Variants in CHCHD6 observed in about 807,000 individuals in gnomAD.
CHCHD6 encodes the protein MICOS complex subunit MIC25.
Under a neutral mutation model 32.3 loss-of-function variants are expected in CHCHD6, and 28 were observed. That is an observed-to-expected ratio of 0.87 (90% confidence interval 0.64 to 1.19). CHCHD6 has a LOEUF of 1.19. Ranked by LOEUF, CHCHD6 falls within the 50% of genes most tolerant of loss-of-function variation. The pLI is 0.00. For synonymous variants in CHCHD6, 122 were observed against 117.5 expected (o/e 1.04, Z -0.25); for missense variants, 333 against 307.0 (o/e 1.08, Z -0.63).
At chr3:126,733,297 C>A in intron 4 of CHCHD6, 75 bp downstream of exon 4, 4 of 1,417,950 alleles carry the variant, frequency 2.8e-6, no homozygotes, top group Non-Finnish European at 3.9e-6. Context: ...GGCCCTGGCA[C>A]CTGGTTAGTC....
At chr3:126,865,811 C>T (rs1313610086) in intron 5 of CHCHD6, 1 of 884,076 alleles carries the variant, frequency 1.1e-6, no homozygotes, top group South Asian at 5.2e-5. Flanking sequence ...TCATATATCT[C>T]ACACTAATCT....
At chr3:126,830,407 T>C (rs1026995836) in intron 4 of CHCHD6, among the ~76,000 whole-genome samples, 4 of 152,200 alleles carry the variant, frequency 2.6e-5, no homozygotes, top group African/African-American at 9.6e-5. Context: ...CCCTGTGGCT[T>C]CAGCTGCCAT....
At chr3:126,708,385 G>A (rs1334942302) in intron 1 of CHCHD6, among the ~76,000 whole-genome samples, 5 of 152,216 alleles carry the variant, frequency 3.3e-5, no homozygotes, top group African/African-American at 1.2e-4. Context: ...GGATGTGGCA[G>A]GTGGTGAGGC....
At chr3:126,865,177 C>A (rs866713885) in intron 5 of CHCHD6, among the ~76,000 whole-genome samples, 52 of 138,814 alleles carry the variant, frequency 3.7e-4, no homozygotes, top group Admixed American at 1.5e-3. Context: ...TCTTCCTCCT[C>A]CTCCTCCACT....
intron 2 of CHCHD6, among the ~76,000 whole-genome samples, chr3:126,728,666 C>T (rs750158694): frequency 2.0e-5 from 3 of 152,098 alleles, no homozygotes; most frequent in Non-Finnish European, 2.9e-5. Context: ...TGGATTAACT[C>T]GAAAGAGGGA....
intron 3 of CHCHD6, among the ~76,000 whole-genome samples, chr3:126,732,797 A>G (rs901482894): frequency 6.6e-6 from 1 of 152,192 alleles, no homozygotes; most frequent in Admixed American, 6.5e-5. Flanking sequence ...CTCACTGGGC[A>G]TGGGGCTGCC....
At chr3:126,863,509 ACCTCCTCCTCCACCATCACCACCT>A (rs1559888864) in intron 5 of CHCHD6, among the ~76,000 whole-genome samples, 4 of 82,490 alleles carry the variant, frequency 4.8e-5, no homozygotes, top group Non-Finnish European at 7.4e-5. Context: ...TACTATCACC[ACCTCCTCCTCCACCATCACCACCT>A]CCTCCTCCTC....
intron 7 of CHCHD6, 143 bp from the exon 8 acceptor site, chr3:126,960,053 C>T (rs990974517): frequency 2.2e-6 from 2 of 908,534 alleles, no homozygotes; most frequent in African/African-American, 1.6e-5. Flanking sequence ...TGAAGAGACT[C>T]ACTGATGGGT....
chr3:126,880,174 T>A (rs146143484), intron 5 of CHCHD6, among the ~76,000 whole-genome samples: 203 of 152,272 alleles, frequency 1.3e-3, no homozygotes, highest in African/African-American at 4.8e-3. Context: ...GTGGGCCGGC[T>A]GACAGTGCCC....
intron 1 of CHCHD6, among the ~76,000 whole-genome samples, chr3:126,721,763 G>A (rs917345238): frequency 3.4e-4 from 36 of 105,872 alleles, no homozygotes; most frequent in Non-Finnish European, 5.5e-4. Flanking sequence ...TCCCCACCCC[G>A]GTCCCTGCAT....
intron 5 of CHCHD6, among the ~76,000 whole-genome samples, chr3:126,857,465 C>G (rs892620717): frequency 2.0e-5 from 3 of 152,128 alleles, no homozygotes; most frequent in Non-Finnish European, 2.9e-5. Context: ...GCCCTTTCCC[C>G]CATTGTACTC....
chr3:126,736,801 G>T (rs1447257354), intron 4 of CHCHD6, among the ~76,000 whole-genome samples: 3 of 152,176 alleles, frequency 2.0e-5, no homozygotes, highest in African/African-American at 7.2e-5. Flanking sequence ...CCTCTGAGTT[G>T]ATGGAGAAAG....
At chr3:126,706,411 A>G (rs567809686) in intron 1 of CHCHD6, among the ~76,000 whole-genome samples, 1 of 152,304 alleles carries the variant, frequency 6.6e-6, no homozygotes, top group Non-Finnish European at 1.5e-5. Context: ...GCAAAAAGCA[A>G]CTTTTTCTCA....
At chr3:126,952,527 G>A (rs1034969946) in intron 6 of CHCHD6, among the ~76,000 whole-genome samples, 8 of 152,132 alleles carry the variant, frequency 5.3e-5, no homozygotes, top group Non-Finnish European at 1.2e-4. Flanking sequence ...GAGAACCAGA[G>A]TAAGTGGCCA....
intron 5 of CHCHD6, among the ~76,000 whole-genome samples, chr3:126,909,334 C>G (rs1197360721): frequency 6.6e-6 from 1 of 152,238 alleles, no homozygotes; most frequent in Non-Finnish European, 1.5e-5. Flanking sequence ...TCCTCCCACC[C>G]CGCACCTGTA....
chr3:126,833,421 A>G (rs1324347533), intron 4 of CHCHD6, among the ~76,000 whole-genome samples: 1 of 152,224 alleles, frequency 6.6e-6, no homozygotes, highest in Non-Finnish European at 1.5e-5. Flanking sequence ...AATGTGTTAA[A>G]TTTGAAAACA....
At chr3:126,789,170 C>G (rs1938389635) in intron 4 of CHCHD6, among the ~76,000 whole-genome samples, 1 of 152,176 alleles carries the variant, frequency 6.6e-6, no homozygotes, top group African/African-American at 2.4e-5. Flanking sequence ...AGTTTGATTG[C>G]ACTGTGGTCT....
Position 126,960,368 on chromosome 3 carries a change from A to C in CHCHD6, c.*167A>C, listed in dbSNP as rs1393530475. On this transcript the variant is annotated 3_prime_UTR_variant, in exon 8 of 8. Coordinates refer to ENST00000290913, the MANE Select transcript of CHCHD6 (RefSeq NM_032343.3). ...GAAACAAAGTATGCGCTACTGTCTG[A>C]AAACAAATAAAGCAGATGCCTTTGT... is the stretch of plus-strand genomic sequence containing the variant. 1 of 733,878 alleles carries C rather than the reference A, an allele frequency of 1.4e-6. No individual in the cohort carries two copies. The highest frequency in any genetic ancestry group is 2.3e-6 in the Non-Finnish European group (1 of 437,876). The allele number at this position is 733,878 out of a possible 1,614,324, so 45.5% of individuals were successfully genotyped here. A position where few individuals can be genotyped will look rare whatever the true frequency, so the allele number is the denominator to read the frequency against.
chr3:126,840,150 T>C (rs1941013814), intron 4 of CHCHD6, among the ~76,000 whole-genome samples: 1 of 152,246 alleles, frequency 6.6e-6, no homozygotes, highest in African/African-American at 2.4e-5. Context: ...TCATTGTTTT[T>C]TCTGGCTGAA....
Sources: gnomAD v4.1 joint callset for allele counts (sites outside exome capture counted in the v4.1 genomes callset) on GRCh38, gnomAD v4.1.1 for gene constraint, MANE v1.5 for transcripts, NCBI Gene and HGNC (gene_info 2026-07-23, HGNC 2026-07-21) for gene names.